Variants in ZDHHC14 observed in about 807,000 individuals in gnomAD.
The protein encoded by ZDHHC14 is palmitoyltransferase ZDHHC14.
In ZDHHC14, 16 loss-of-function variants were observed where a neutral mutation model predicts 47.7. The ratio of observed to expected loss-of-function variants is 0.34; its 90% CI spans 0.23 to 0.51. The LOEUF is 0.51. Ranked by LOEUF, ZDHHC14 falls within the 20% of genes least tolerant of loss-of-function variation. The probability of loss-of-function intolerance (pLI) is 0.97; values close to 1 mark genes in which losing one functional copy is unlikely to be tolerated. For synonymous variants in ZDHHC14, 293 were observed against 278.9 expected (o/e 1.05, Z -0.50); for missense variants, 515 against 662.5 (o/e 0.78, Z 2.44).
chr6:157,640,794 C>G (rs1321196569), intron 5 of ZDHHC14, among the ~76,000 whole-genome samples: 2 of 152,228 alleles, frequency 1.3e-5, no homozygotes, highest in African/African-American at 4.8e-5. Context: ...GCACCCAAGT[C>G]CTACGAGAAT....
At chr6:157,479,229 A>T (rs1335197833) in intron 1 of ZDHHC14, among the ~76,000 whole-genome samples, 1 of 152,250 alleles carries the variant, frequency 6.6e-6, no homozygotes, top group African/African-American at 2.4e-5. Flanking sequence ...GGGATATAGT[A>T]CTTACCTCAT....
At chr6:157,668,613 T>A (rs373082052) in intron 8 of ZDHHC14, among the ~76,000 whole-genome samples, 1 of 151,882 alleles carries the variant, frequency 6.6e-6, no homozygotes, top group African/African-American at 2.4e-5. Context: ...GGTAGGAGAA[T>A]TGTTTGAACC....
intron 1 of ZDHHC14, among the ~76,000 whole-genome samples, chr6:157,396,082 C>G (rs1021638708): frequency 2.0e-5 from 3 of 152,044 alleles, no homozygotes; most frequent in Non-Finnish European, 2.9e-5. Flanking sequence ...CTGTCTCCCT[C>G]TAGATATAGA....
intron 1 of ZDHHC14, among the ~76,000 whole-genome samples, chr6:157,495,038 A>G (rs895636988): frequency 1.3e-5 from 2 of 151,286 alleles, no homozygotes; most frequent in Admixed American, 6.6e-5. Context: ...ATGGGACTAC[A>G]GCCTCCCATG....
At chr6:157,538,132 A>G (rs1387255456) in intron 1 of ZDHHC14, among the ~76,000 whole-genome samples, 3 of 152,226 alleles carry the variant, frequency 2.0e-5, no homozygotes, top group African/African-American at 7.2e-5. Context: ...TGTCACACAC[A>G]GAGGCTGGTG....
At chr6:157,425,548 T>C (rs949124881) in intron 1 of ZDHHC14, among the ~76,000 whole-genome samples, 8 of 152,230 alleles carry the variant, frequency 5.3e-5, no homozygotes, top group African/African-American at 1.9e-4. Context: ...AGTGTTCCCT[T>C]TCTAAATGCT....
At chr6:157,602,489 CAAAAA>C (rs552594669) in intron 3 of ZDHHC14, among the ~76,000 whole-genome samples, 3 of 60,614 alleles carry the variant, frequency 4.9e-5, no homozygotes, top group African/African-American at 1.4e-4. Context: ...GACTCCGTTT[CAAAAA>C]AAAAAAAAAA....
intron 3 of ZDHHC14, among the ~76,000 whole-genome samples, chr6:157,623,227 GTGGTGGGAGGAGC>G (rs980596043): frequency 6.6e-6 from 1 of 152,134 alleles, no homozygotes; most frequent in African/African-American, 2.4e-5. Flanking sequence ...ATCCCCATGT[GTGGTGGGAGGAGC>G]TGGTGGGAGG....
At chr6:157,616,148 G>A (rs1054850266) in intron 3 of ZDHHC14, among the ~76,000 whole-genome samples, 1 of 152,176 alleles carries the variant, frequency 6.6e-6, no homozygotes, top group Non-Finnish European at 1.5e-5. Flanking sequence ...GACACATAAG[G>A]GGGGTGTCCA....
chr6:157,504,314 G>T (rs1197273264), intron 1 of ZDHHC14, among the ~76,000 whole-genome samples: 1 of 142,506 alleles, frequency 7.0e-6, no homozygotes, highest in South Asian at 2.4e-4. Flanking sequence ...TTCACGCCCG[G>T]CTAATTTTTT....
At position 157,586,550 on chromosome 6, in the gene ZDHHC14, T is replaced by C. The variant is rs181702918; in HGVS notation, c.407-6438T>C. 1.3e-4 allele frequency among the ~76,000 whole-genome samples: 20 copies of C among 152,260 alleles called. No individual in the cohort carries two copies. The highest frequency in any genetic ancestry group is 4.8e-4 in the African/African-American group (20 of 41,544). The stretch of plus-strand genomic sequence containing the variant: ...GAGGGCCTGAGTTTCTTGATGGGAC[T>C]TGCATTTAGAAAGCTGACTCTTTAA... On this transcript the variant is annotated intron_variant, in intron 2 of 8. Transcript: ENST00000359775. This position sits in a 1 kb window ranked among gnomAD's most constrained non-coding sequence, Gnocchi z 4.6.
In ZDHHC14 at chr6:157,398,125, T is replaced by C. The variant is rs1438646125; in HGVS notation, c.245+15859T>C. Among the ~76,000 whole-genome samples, 10 of 142,012 alleles carry C rather than the reference T, an allele frequency of 7.0e-5. No individual in the cohort carries two copies. The East Asian group carries it at 2.2e-3, about 31-fold the overall frequency. 93.2% of individuals were successfully genotyped at this position (142,012 alleles called of 152,430 possible). A position where few individuals can be genotyped will look rare whatever the true frequency, so the allele number is the denominator to read the frequency against. Reference sequence around the variant, plus strand: ...CCAGATGGCCCCAGGTAGGCAGAGATTGGGGCAGAGGAGACAGAGTGGACA... The same window carrying C: ...CCAGATGGCCCCAGGTAGGCAGAGACTGGGGCAGAGGAGACAGAGTGGACA... On this transcript the variant is annotated intron_variant, in intron 1 of 8. Coordinates refer to ENST00000359775, the MANE Select transcript of ZDHHC14 (RefSeq NM_024630.3).
chr6:157,399,513 G>A (rs1025789049), intron 1 of ZDHHC14, among the ~76,000 whole-genome samples: 3 of 152,188 alleles, frequency 2.0e-5, no homozygotes, highest in African/African-American at 7.2e-5. Context: ...TAACAGTCTG[G>A]TTTCAAAGAC....
intron 3 of ZDHHC14, among the ~76,000 whole-genome samples, chr6:157,619,994 G>T (rs141889193): frequency 6.2e-4 from 94 of 152,258 alleles, no homozygotes; most frequent in African/African-American, 2.1e-3. Context: ...TAAGCAGATA[G>T]GACTTATTTT....
chr6:157,573,919 C>A (rs998218633), intron 2 of ZDHHC14, among the ~76,000 whole-genome samples: 2 of 151,724 alleles, frequency 1.3e-5, no homozygotes, highest in Admixed American at 6.6e-5. Flanking sequence ...GGTCTGTGCT[C>A]AAGCATGCTG....
chr6:157,571,307 T>A (rs1283246678), intron 2 of ZDHHC14, among the ~76,000 whole-genome samples: 2 of 152,202 alleles, frequency 1.3e-5, no homozygotes, highest in Non-Finnish European at 2.9e-5. Flanking sequence ...TTGTCTGTCA[T>A]GATGTTTTTC....
At chr6:157,571,344 AG>A (rs1290836486) in intron 2 of ZDHHC14, among the ~76,000 whole-genome samples, 1 of 152,230 alleles carries the variant, frequency 6.6e-6, no homozygotes, top group African/African-American at 2.4e-5. Flanking sequence ...AGCCCAGGCA[AG>A]GGACAGACAT....
In ZDHHC14 at chr6:157,502,242, G is replaced by A. The variant is rs529342528; in HGVS notation, c.246-40343G>A. Among the ~76,000 whole-genome samples, 1 of 152,308 alleles carries A rather than the reference G, an allele frequency of 6.6e-6. No homozygotes were observed. Among genetic ancestry groups the A allele is most frequent in the East Asian group, 1.9e-4 (1 of 5,186 alleles). ...CTTCCTTTAAGATATGCACAGCCTA[G>A]AAGGGAAGACCAAGAAAGTCATTAT... On this transcript the variant is annotated intron_variant, in intron 1 of 8. Transcript: ENST00000359775. This position sits in a 1 kb window ranked among gnomAD's most constrained non-coding sequence, Gnocchi z 4.0.
chr6:157,662,360 T>G (rs1217978531), intron 8 of ZDHHC14, among the ~76,000 whole-genome samples: 3 of 152,150 alleles, frequency 2.0e-5, no homozygotes, highest in Admixed American at 6.5e-5. Flanking sequence ...TTTTGTATTT[T>G]TAGTACAGAC....
Sources: allele counts gnomAD v4.1 joint callset (sites outside exome capture counted in the v4.1 genomes callset), GRCh38; gene constraint gnomAD v4.1.1; non-coding constraint Gnocchi (gnomAD v3.1); transcripts MANE v1.5; gene names NCBI Gene and HGNC (gene_info 2026-07-23, HGNC 2026-07-21).